Variants in NPIPB7 observed in about 807,000 individuals in gnomAD.
The protein encoded by NPIPB7 is nuclear pore complex interacting protein family member B7, also known as nuclear pore complex-interacting protein family member B7.
For missense variants in NPIPB7, 14 were observed against 238.5 expected (o/e 0.06, Z 6.20); for synonymous variants, 9 against 88.1 (o/e 0.10, Z 5.03).
intron 2 of NPIPB7, among the ~76,000 whole-genome samples, chr16:28,463,408 C>T (rs1296785711): frequency 1.9e-5 from 2 of 102,816 alleles, no homozygotes; most frequent in African/African-American, 6.9e-5. Flanking sequence ...CACACACACA[C>T]ACACACACAC....
At chr16:28,463,732 A>G (rs1404313769) in intron 2 of NPIPB7, among the ~76,000 whole-genome samples, 1 of 102,274 alleles carries the variant, frequency 9.8e-6, no homozygotes, top group African/African-American at 3.1e-5. Flanking sequence ...TGTCTCAAAA[A>G]AAAAAAAAAA....
intron 1 of NPIPB7, chr16:28,469,740 G>A (rs866969616): frequency 1.0e-5 from 4 of 399,438 alleles, no homozygotes; most frequent in Middle Eastern, 1.7e-3. Context: ...TGTAATCCCG[G>A]CACTGGGAGG....
chr16:28,470,544 G>A (rs2045939877), exon 1 of NPIPB7: 2 of 191,608 alleles, frequency 1.0e-5, no homozygotes, highest in Admixed American at 7.9e-5. Context: ...TCTGAGTTGG[G>A]GCGGGGGAGG....
intron 4 of NPIPB7, among the ~76,000 whole-genome samples, chr16:28,462,146 G>C (rs1189662699): frequency 1.3e-5 from 2 of 150,504 alleles, no homozygotes; most frequent in Non-Finnish European, 2.9e-5. Context: ...AAGGCTGGGT[G>C]TGGTGGCTCA....
At chr16:28,462,561 GC>G (rs1423468730) in intron 4 of NPIPB7, 112 bp downstream of exon 4, 2 of 141,104 alleles carry the variant, frequency 1.4e-5, no homozygotes, top group African/African-American at 5.5e-5. Flanking sequence ...TCAATTTTGA[GC>G]CCACTGAATT....
chr16:28,463,438 T>A (rs1341810656), intron 2 of NPIPB7, among the ~76,000 whole-genome samples: 32 of 86,206 alleles, frequency 3.7e-4, no homozygotes, highest in African/African-American at 1.1e-3. Context: ...CACACAAGAA[T>A]GACATGAGGC....
upstream of NPIPB7, among the ~76,000 whole-genome samples, chr16:28,471,878 A>C (rs1297785781): frequency 1.3e-5 from 2 of 152,150 alleles, no homozygotes; most frequent in Non-Finnish European, 2.9e-5. Flanking sequence ...AGGGATGTCC[A>C]AGGAATCTGT....
chr16:28,463,386 G>C (rs1257124860), intron 2 of NPIPB7, among the ~76,000 whole-genome samples: 31 of 82,230 alleles, frequency 3.8e-4, no homozygotes, highest in South Asian at 7.4e-4. Flanking sequence ...ATGAGACTCT[G>C]TCTCACACAC....
At chr16:28,463,694 C>G (rs1004016453) in intron 2 of NPIPB7, among the ~76,000 whole-genome samples, 1 of 89,058 alleles carries the variant, frequency 1.1e-5, no homozygotes, top group African/African-American at 3.6e-5. Flanking sequence ...CCATTGCACT[C>G]CAAACCTGGG....
chr16:28,472,230 T>C (rs1275763701), upstream of NPIPB7, among the ~76,000 whole-genome samples: 2 of 151,728 alleles, frequency 1.3e-5, no homozygotes, highest in East Asian at 3.9e-4. Flanking sequence ...CTGGGCAACA[T>C]AGTGAGACAC....
At chr16:28,467,700 C>G (rs2141683198) in intron 1 of NPIPB7, among the ~76,000 whole-genome samples, 1 of 147,234 alleles carries the variant, frequency 6.8e-6, no homozygotes, top group Non-Finnish European at 1.5e-5. Context: ...GCCTCAGCCT[C>G]CTGAGTAGCT....
intron 1 of NPIPB7, among the ~76,000 whole-genome samples, chr16:28,467,666 CT>C (rs2045913623): frequency 6.7e-6 from 1 of 148,460 alleles, no homozygotes; most frequent in Non-Finnish European, 1.5e-5. Flanking sequence ...CAACCTCTGC[CT>C]CTCAGGTTCA....
At chr16:28,462,234 A>C (rs1337245589) in intron 4 of NPIPB7, among the ~76,000 whole-genome samples, 1 of 148,882 alleles carries the variant, frequency 6.7e-6, no homozygotes, top group Non-Finnish European at 1.5e-5. Flanking sequence ...AGCCTGGACA[A>C]CATGGTGAAA....
intron 2 of NPIPB7, among the ~76,000 whole-genome samples, chr16:28,464,923 C>A (rs1268679183): frequency 6.9e-6 from 1 of 144,880 alleles, no homozygotes; most frequent in African/African-American, 2.6e-5. Context: ...AAAAGAGCAA[C>A]CACGTCAATC....
upstream of NPIPB7, chr16:28,470,644 G>A (rs1254308116): frequency 4.9e-6 from 1 of 204,342 alleles, no homozygotes; most frequent in African/African-American, 2.9e-5. Flanking sequence ...GGAGGGGAAG[G>A]GGAGGGGAAG....
At chr16:28,463,398 C>CACAG (rs1411284662) in intron 2 of NPIPB7, among the ~76,000 whole-genome samples, 8 of 81,834 alleles carry the variant, frequency 9.8e-5, no homozygotes, top group African/African-American at 4.2e-4. Flanking sequence ...CTCACACACA[C>CACAG]ACACACACAC....
intron 2 of NPIPB7, among the ~76,000 whole-genome samples, chr16:28,463,389 T>TCTCA (rs1415034159): frequency 2.2e-5 from 1 of 45,830 alleles, no homozygotes; most frequent in African/African-American, 8.0e-5. Flanking sequence ...AGACTCTGTC[T>TCTCA]CACACACACA....
At chr16:28,462,077 A>G (rs1208055086) in intron 4 of NPIPB7, among the ~76,000 whole-genome samples, 2 of 148,792 alleles carry the variant, frequency 1.3e-5, no homozygotes, top group Admixed American at 6.7e-5. Context: ...AGATTGCACC[A>G]TAGCACTCCA....
At chr16:28,469,646 G>T (rs1419316596) in intron 1 of NPIPB7, 24 of 317,260 alleles carry the variant, frequency 7.6e-5, no homozygotes, top group South Asian at 2.3e-5. Context: ...AAGGGGGTCG[G>T]TTTATGCTGG....
Sources: allele counts gnomAD v4.1 joint callset (sites outside exome capture counted in the v4.1 genomes callset), GRCh38; gene constraint gnomAD v4.1.1; transcripts MANE v1.5; gene names NCBI Gene and HGNC (gene_info 2026-07-23, HGNC 2026-07-21).